C1QTNF3: variants seen among roughly 807,000 people sequenced by gnomAD.
The protein encoded by C1QTNF3 is C1q and TNF related 3.
In C1QTNF3, 26 loss-of-function variants were observed where a neutral mutation model predicts 32.6. The ratio of observed to expected loss-of-function variants is 0.80; its 90% CI spans 0.58 to 1.11. The LOEUF (loss-of-function observed/expected upper bound fraction) is 1.11. C1QTNF3 is among the 50% of genes least tolerant of loss of function. The probability of loss-of-function intolerance (pLI) is 0.00; values close to 1 mark genes in which losing one functional copy is unlikely to be tolerated. For missense variants in C1QTNF3, 362 were observed against 398.2 expected (o/e 0.91, Z 0.77); for synonymous variants, 155 against 146.0 (o/e 1.06, Z -0.44).
the C1QTNF3 span, among the ~76,000 whole-genome samples, chr5:34,237,999 C>G: frequency 6.6e-6 from 1 of 152,222 alleles, no homozygotes; most frequent in Non-Finnish European, 1.5e-5. Flanking sequence ...TGCATTGGAT[C>G]ACATCCCAAA....
At chr5:34,200,608 T>C in the C1QTNF3 span, 5 of 152,148 alleles carry the variant, frequency 3.3e-5, no homozygotes, top group African/African-American at 1.2e-4. Context: ...ACCATAATCA[T>C]TAAATTTCCA....
At chr5:34,084,952 A>G in the C1QTNF3 span, among the ~76,000 whole-genome samples, 1 of 142,410 alleles carries the variant, frequency 7.0e-6, no homozygotes, top group Non-Finnish European at 1.5e-5. Context: ...GTTTTCTTCT[A>G]GGGTTTTTAC....
chr5:34,226,772 T>C, the C1QTNF3 span, among the ~76,000 whole-genome samples: 4 of 151,638 alleles, frequency 2.6e-5, no homozygotes, highest in African/African-American at 7.3e-5. Context: ...CTGTATGTAT[T>C]TTACACTGTA....
the C1QTNF3 span, among the ~76,000 whole-genome samples, chr5:34,137,822 C>A: frequency 6.6e-6 from 1 of 152,154 alleles, no homozygotes; most frequent in Non-Finnish European, 1.5e-5. Context: ...TGGATGCTTT[C>A]TTTGCTAGAA....
At chr5:34,133,142 TTCTC>T in the C1QTNF3 span, among the ~76,000 whole-genome samples, 1 of 152,334 alleles carries the variant, frequency 6.6e-6, no homozygotes, top group African/African-American at 2.4e-5. Flanking sequence ...TCTCCCCTTC[TTCTC>T]TCTATCCTTT....
chr5:34,164,444 C>T, the C1QTNF3 span, among the ~76,000 whole-genome samples: 1 of 151,694 alleles, frequency 6.6e-6, no homozygotes, highest in Non-Finnish European at 1.5e-5. Flanking sequence ...TTAGAGAGAG[C>T]TGCCAGGTGA....
At chr5:34,163,359 C>A in the C1QTNF3 span, among the ~76,000 whole-genome samples, 1 of 151,924 alleles carries the variant, frequency 6.6e-6, no homozygotes, top group Admixed American at 6.6e-5. Flanking sequence ...AAGATTGATT[C>A]CAACATTAGG....
At chr5:34,125,098 G>A in the C1QTNF3 span, among the ~76,000 whole-genome samples, 1 of 152,150 alleles carries the variant, frequency 6.6e-6, no homozygotes, top group African/African-American at 2.4e-5. Context: ...CATTTTTAAA[G>A]CCACAAAAGG....
chr5:34,117,848 T>A, the C1QTNF3 span, among the ~76,000 whole-genome samples: 1 of 152,194 alleles, frequency 6.6e-6, no homozygotes, highest in African/African-American at 2.4e-5. Context: ...TCCATCCCCA[T>A]TCTTTGTGCT....
chr5:34,062,010 TTAG>T, the C1QTNF3 span, among the ~76,000 whole-genome samples: 8 of 152,344 alleles, frequency 5.3e-5, no homozygotes, highest in African/African-American at 1.9e-4. Context: ...CTGAATGCCT[TTAG>T]CAGCCCCCAA....
chr5:34,123,608 G>T, the C1QTNF3 span, among the ~76,000 whole-genome samples: 2 of 134,462 alleles, frequency 1.5e-5, no homozygotes, highest in African/African-American at 5.4e-5. Context: ...TTCCAGGACA[G>T]CAGAACAGAT....
the C1QTNF3 span, among the ~76,000 whole-genome samples, chr5:34,071,612 A>C: frequency 2.0e-5 from 3 of 152,198 alleles, no homozygotes; most frequent in Non-Finnish European, 4.4e-5. Flanking sequence ...TTTTAAAATA[A>C]ACTTTAAATA....
the C1QTNF3 span, among the ~76,000 whole-genome samples, chr5:34,121,419 G>T: frequency 6.6e-6 from 1 of 152,106 alleles, no homozygotes; most frequent in South Asian, 2.1e-4. Context: ...ATCATGGCAG[G>T]ATATGAAAGG....
the C1QTNF3 span, among the ~76,000 whole-genome samples, chr5:34,231,092 T>C: frequency 5.3e-5 from 8 of 152,168 alleles, no homozygotes; most frequent in Admixed American, 5.2e-4. Flanking sequence ...CACTCTTCCC[T>C]GCTGAAACAC....
At chr5:34,029,430 G>T (rs1471791854) in intron 3 of C1QTNF3, among the ~76,000 whole-genome samples, 1 of 152,078 alleles carries the variant, frequency 6.6e-6, no homozygotes, top group African/African-American at 2.4e-5. Flanking sequence ...GTGAGCCATG[G>T]TGCCTAGCCT....
At chr5:34,216,104 A>G in the C1QTNF3 span, among the ~76,000 whole-genome samples, 2 of 152,242 alleles carry the variant, frequency 1.3e-5, no homozygotes, top group Admixed American at 1.3e-4. Flanking sequence ...CCATACAGGT[A>G]TGATATTGGC....
At chr5:34,120,017 T>G in the C1QTNF3 span, among the ~76,000 whole-genome samples, 2 of 152,210 alleles carry the variant, frequency 1.3e-5, no homozygotes, top group African/African-American at 4.8e-5. Context: ...CCACACATTT[T>G]TCTAAACAGA....
chr5:34,135,454 C>A, the C1QTNF3 span, among the ~76,000 whole-genome samples: 13 of 152,102 alleles, frequency 8.5e-5, no homozygotes, highest in African/African-American at 3.1e-4. Context: ...AGGGAGGATT[C>A]CCTCTTTTTC....
chr5:34,143,487 C>G, the C1QTNF3 span, among the ~76,000 whole-genome samples: 2 of 152,052 alleles, frequency 1.3e-5, no homozygotes, highest in Admixed American at 1.3e-4. Context: ...TTAGATTCAC[C>G]AAGGTCAACA....
Sources: gnomAD v4.1 joint callset for allele counts (sites outside exome capture counted in the v4.1 genomes callset) on GRCh38, gnomAD v4.1.1 for gene constraint, MANE v1.5 for transcripts, NCBI Gene and HGNC (gene_info 2026-07-23, HGNC 2026-07-21) for gene names.